Variants in WNK3 observed in about 807,000 individuals in gnomAD.
WNK3 encodes WNK lysine deficient protein kinase 3.
WNK3 carries 18 observed loss-of-function variants against 116.7 expected under a neutral mutation model. The ratio of observed to expected loss-of-function variants is 0.15; its 90% CI spans 0.11 to 0.23. The LOEUF is 0.23. WNK3 is among the 10% of genes least tolerant of loss of function. The pLI is 1.00. For missense variants in WNK3, 993 were observed against 1,323.8 expected (o/e 0.75, Z 3.88); for synonymous variants, 404 against 469.4 (o/e 0.86, Z 1.80).
At chrX:54,265,921 G>A (rs1233872080) in intron 10 of WNK3, among the ~76,000 whole-genome samples, 2 of 110,560 alleles carry the variant, frequency 1.8e-5, no homozygotes, top group Non-Finnish European at 1.9e-5. Context: ...GCGGGTGCCT[G>A]TACTCCCAGC....
chrX:54,339,756 C>T (rs782374008), intron 1 of WNK3, among the ~76,000 whole-genome samples: 1 of 112,215 alleles, frequency 8.9e-6, no homozygotes, highest in East Asian at 2.8e-4. Flanking sequence ...AATACAAAAG[C>T]TAAAACTATA....
chrX:54,291,025 A>C (rs782698644), intron 10 of WNK3, among the ~76,000 whole-genome samples: 15 of 111,858 alleles, frequency 1.3e-4, no homozygotes, highest in Non-Finnish European at 2.6e-4. Context: ...ATAAACAATA[A>C]GTTGTTGGCC....
chrX:54,256,061 C>T (rs1436000844), intron 11 of WNK3, among the ~76,000 whole-genome samples, 174 bp from the exon 12 acceptor site: 1 of 111,660 alleles, frequency 9.0e-6, no homozygotes, highest in Non-Finnish European at 1.9e-5. Flanking sequence ...AAATTACACA[C>T]TTTAAATGAG....
At chrX:54,256,763 G>A (rs782366164) in intron 11 of WNK3, among the ~76,000 whole-genome samples, 7 of 112,399 alleles carry the variant, frequency 6.2e-5, no homozygotes, top group South Asian at 3.7e-4. Flanking sequence ...TCCATATGAC[G>A]TATGACATAA....
chrX:54,231,525 G>A (rs1056475581), intron 21 of WNK3, among the ~76,000 whole-genome samples: 2 of 111,495 alleles, frequency 1.8e-5, no homozygotes, highest in Non-Finnish European at 3.8e-5. Context: ...CTTGGTCTGT[G>A]GCACTCTTCC....
At chrX:54,207,416 G>C (rs1430223670) in intron 22 of WNK3, among the ~76,000 whole-genome samples, 1 of 109,243 alleles carries the variant, frequency 9.2e-6, no homozygotes, top group Admixed American at 9.9e-5. Context: ...TGCAAATCTT[G>C]CATTTTTACC....
intron 22 of WNK3, among the ~76,000 whole-genome samples, chrX:54,215,451 G>A (rs1192023476): frequency 2.7e-5 from 3 of 112,808 alleles, no homozygotes; most frequent in East Asian, 2.8e-4. Context: ...TCGGCCTCCC[G>A]AGGTGCCGGG....
chrX:54,241,815 G>A lies in WNK3; in HGVS notation c.3652-2716C>T, dbSNP rs150829855. On this transcript the variant is annotated intron_variant, in intron 17 of 23. Coordinates refer to ENST00000354646, the Ensembl canonical transcript of WNK3. ...CCAAAAATATAAAAATTAGCTAGGC[G>A]TAGTGGTGAGCGCCTGTAATCCCAG... is the stretch of plus-strand genomic sequence containing the variant. Among the ~76,000 whole-genome samples the A allele has an allele frequency of 9.1e-3, 1,000 of 109,846 alleles. 9 individuals are homozygous for A. The highest frequency in any genetic ancestry group is 0.032 in the African/African-American group (964 of 30,192).
At position 54,248,610 on chromosome X, in the gene WNK3, C is replaced by T. The variant is rs782105641; in HGVS notation, c.3651+87G>A. 1.5e-5 allele frequency: 13 copies of T among 849,525 alleles called. No individual in the cohort carries two copies. In the East Asian group the frequency reaches 4.4e-4, roughly 29 times the overall value. The allele number at this position is 849,525 out of a possible 1,213,427, so 70.0% of individuals were successfully genotyped here. ...CATCTTGTGACATAGACCATTTCAT[C>T]TCAAAGGACAGAATTTTAGAAGAGA... On this transcript the variant is annotated intron_variant, in intron 17 of 23. Coordinates refer to ENST00000354646, the Ensembl canonical transcript of WNK3.
chrX:54,293,847 AT>A (rs2068667651), intron 8 of WNK3, among the ~76,000 whole-genome samples: 1 of 112,355 alleles, frequency 8.9e-6, no homozygotes, highest in Non-Finnish European at 1.9e-5. Flanking sequence ...TTCTTGAGGA[AT>A]AAATTTTATC....
intron 8 of WNK3, among the ~76,000 whole-genome samples, chrX:54,293,984 C>G (rs1189281003): frequency 9.0e-6 from 1 of 111,461 alleles, no homozygotes; most frequent in African/African-American, 3.3e-5. Context: ...TGAGACCAGC[C>G]TGGCCAATAT....
intron 2 of WNK3, among the ~76,000 whole-genome samples, chrX:54,329,392 A>G (rs920195222): frequency 1.8e-5 from 2 of 111,794 alleles, no homozygotes; most frequent in African/African-American, 6.5e-5. Context: ...TACTCCCAGC[A>G]CTTTGGGAGG....
intron 1 of WNK3, among the ~76,000 whole-genome samples, chrX:54,352,977 C>G (rs2069538536): frequency 8.9e-6 from 1 of 111,849 alleles, no homozygotes; most frequent in Non-Finnish European, 1.9e-5. Context: ...CACAAAAGGT[C>G]ATATATTATA....
intron 15 of WNK3, 32 bp downstream of exon 15, chrX:54,251,367 A>G: frequency 2.8e-6 from 3 of 1,066,980 alleles, no homozygotes; most frequent in Non-Finnish European, 3.8e-6. Flanking sequence ...TGCTTCAAAA[A>G]CCAAATGATA....
At chrX:54,283,265 G>A (rs1287487683) in intron 10 of WNK3, among the ~76,000 whole-genome samples, 3 of 111,271 alleles carry the variant, frequency 2.7e-5, no homozygotes, top group East Asian at 2.8e-4. Flanking sequence ...GCTATATGGC[G>A]AGACCTCATC....
At chrX:54,303,533 A>G in intron 5 of WNK3, among the ~76,000 whole-genome samples, 1 of 111,325 alleles carries the variant, frequency 9.0e-6, no homozygotes, top group South Asian at 3.8e-4. Flanking sequence ...ACCTCAAAAG[A>G]CATAGAATCA....
intron 22 of WNK3, among the ~76,000 whole-genome samples, chrX:54,219,760 T>G (rs187278695): frequency 1.9e-5 from 2 of 105,850 alleles, no homozygotes; most frequent in African/African-American, 6.9e-5. Context: ...GACCTTCTCA[T>G]AGACATCATG....
chrX:54,215,646 G>A (rs1481658470), intron 22 of WNK3, among the ~76,000 whole-genome samples: 15 of 110,704 alleles, frequency 1.4e-4, no homozygotes, highest in Non-Finnish European at 2.7e-4. Context: ...CTTCCCGGCC[G>A]TCATCCCGTC....
intron 15 of WNK3, among the ~76,000 whole-genome samples, chrX:54,250,984 A>G (rs1222688781): frequency 8.9e-6 from 1 of 111,893 alleles, no homozygotes; most frequent in Non-Finnish European, 1.9e-5. Context: ...GAAGCATATC[A>G]TTCATCGTTA....
Sources: gnomAD v4.1 joint callset for allele counts (sites outside exome capture counted in the v4.1 genomes callset) on GRCh38, gnomAD v4.1.1 for gene constraint, MANE v1.5 for transcripts, NCBI Gene and HGNC (gene_info 2026-07-23, HGNC 2026-07-21) for gene names.